The following BRINP3 variants were observed in gnomAD, a reference collection of about 807,000 sequenced individuals.
The protein encoded by BRINP3 is BMP/retinoic acid-inducible neural-specific protein 3.
In BRINP3, 19 loss-of-function variants were observed where a neutral mutation model predicts 71.0. The observed-to-expected ratio is 0.27, with a 90% CI of 0.19 to 0.39. The LOEUF (loss-of-function observed/expected upper bound fraction) is 0.39, where lower values mean the gene tolerates loss of function less well. Ranked by LOEUF, BRINP3 falls within the 10% of genes least tolerant of loss-of-function variation. The probability of loss-of-function intolerance (pLI) is 1.00; values close to 1 mark genes in which losing one functional copy is unlikely to be tolerated. For missense variants in BRINP3, 959 were observed against 940.8 expected (o/e 1.02, Z -0.25); for synonymous variants, 380 against 337.7 (o/e 1.13, Z -1.37).
At chr1:190,161,006 A>G (rs1657308386) in intron 6 of BRINP3, 116 bp from the exon 7 acceptor site, 2 of 662,470 alleles carry the variant, frequency 3.0e-6, no homozygotes, top group South Asian at 4.3e-5. Context: ...CAAATTAAGA[A>G]CAAATAAATA....
rs1054114750 is a variant in BRINP3 at position 190,444,235 on chromosome 1, G to A, written c.236+10420C>T. Among the ~76,000 whole-genome samples the A allele has an allele frequency of 5.6e-4, 13 of 23,180 alleles. No individual in the cohort carries two copies. The East Asian group carries it at 0.012, about 21-fold the overall frequency. The allele number at this position is 23,180 out of a possible 152,430, so 15.2% of individuals were successfully genotyped here. On this transcript the variant is annotated intron_variant, in intron 2 of 7. Transcript: ENST00000367462. The stretch of plus-strand genomic sequence containing the variant: ...GCCGGGGCAACAAGAGCAAAACTCC[G>A]TCTCAAAAAAAAAAAAAAAAAAAAA...
At chr1:190,142,171 CCA>C (rs1194900227) in intron 7 of BRINP3, among the ~76,000 whole-genome samples, 1 of 152,018 alleles carries the variant, frequency 6.6e-6, no homozygotes, top group Non-Finnish European at 1.5e-5. Flanking sequence ...TTCTGGTTGG[CCA>C]CATTTACAAG....
At chr1:190,275,001 G>A (rs1662431734) in intron 3 of BRINP3, among the ~76,000 whole-genome samples, 1 of 151,680 alleles carries the variant, frequency 6.6e-6, no homozygotes, top group Non-Finnish European at 1.5e-5. Flanking sequence ...AACATAATAT[G>A]TTTTGCAAAG....
chr1:190,433,904 T>C (rs1674274336), intron 2 of BRINP3, among the ~76,000 whole-genome samples: 1 of 152,174 alleles, frequency 6.6e-6, no homozygotes, highest in Non-Finnish European at 1.5e-5. Flanking sequence ...TTCTTGAGCA[T>C]TTCTAGTCTG....
intron 6 of BRINP3, among the ~76,000 whole-genome samples, chr1:190,199,834 A>G (rs138815320): frequency 0.011 from 1,693 of 151,384 alleles, 100 homozygotes; most frequent in Admixed American, 0.088. Context: ...TCTTTTTTCT[A>G]GGGAAAATTA....
intron 6 of BRINP3, among the ~76,000 whole-genome samples, chr1:190,221,888 A>T (rs1016343002): frequency 1.3e-5 from 2 of 152,160 alleles, no homozygotes; most frequent in Middle Eastern, 3.2e-3. Context: ...TTTTATGCCC[A>T]ACAACAGAGT....
intron 7 of BRINP3, among the ~76,000 whole-genome samples, chr1:190,117,573 T>C (rs1193382480): frequency 6.6e-6 from 1 of 152,004 alleles, no homozygotes; most frequent in Non-Finnish European, 1.5e-5. Context: ...TAGAATGTTT[T>C]AAAGCATCTC....
chr1:190,346,443 T>G (rs1380283152), intron 2 of BRINP3, among the ~76,000 whole-genome samples: 1 of 152,112 alleles, frequency 6.6e-6, no homozygotes, highest in African/African-American at 2.4e-5. Context: ...CCTTTTTATC[T>G]TTGGTATTTC....
At chr1:190,326,838 C>T (rs1243939191) in intron 2 of BRINP3, among the ~76,000 whole-genome samples, 1 of 152,026 alleles carries the variant, frequency 6.6e-6, no homozygotes. Context: ...ATAGCCACTA[C>T]TGCAAAAACA....
chr1:190,379,650 T>C (rs188760003), intron 2 of BRINP3, among the ~76,000 whole-genome samples: 5 of 152,140 alleles, frequency 3.3e-5, no homozygotes, highest in Non-Finnish European at 1.5e-5. Flanking sequence ...AAGAATGGTG[T>C]AAGCAAAATT....
intron 7 of BRINP3, 21 bp from the exon 8 acceptor site, chr1:190,099,155 G>A (rs781215603): frequency 6.2e-7 from 1 of 1,601,764 alleles, no homozygotes; most frequent in East Asian, 2.2e-5. Flanking sequence ...AAAACAGAAC[G>A]AATCTACATA....
intron 6 of BRINP3, among the ~76,000 whole-genome samples, chr1:190,201,655 T>C (rs1240977884): frequency 6.6e-6 from 1 of 152,174 alleles, no homozygotes; most frequent in Non-Finnish European, 1.5e-5. Context: ...ATGCTGTGTG[T>C]AGCCTAGGGA....
At chr1:190,366,295 C>G (rs186503213) in intron 2 of BRINP3, among the ~76,000 whole-genome samples, 1 of 152,150 alleles carries the variant, frequency 6.6e-6, no homozygotes, top group Non-Finnish European at 1.5e-5. Context: ...AAGGTGGCAG[C>G]AAAGAGAAGT....
intron 4 of BRINP3, among the ~76,000 whole-genome samples, chr1:190,247,159 A>C (rs1301925375): frequency 1.3e-5 from 2 of 152,022 alleles, no homozygotes; most frequent in African/African-American, 4.8e-5. Flanking sequence ...TTACCAAAAA[A>C]AAACACACCA....
intron 2 of BRINP3, among the ~76,000 whole-genome samples, chr1:190,443,952 G>A (rs2102572936): frequency 6.6e-6 from 1 of 152,262 alleles, no homozygotes; most frequent in South Asian, 2.1e-4. Flanking sequence ...TGAACAGTCA[G>A]CCAGGCAAGG....
At chr1:190,261,397 A>T (rs1177190371) in intron 4 of BRINP3, among the ~76,000 whole-genome samples, 1 of 148,944 alleles carries the variant, frequency 6.7e-6, no homozygotes, top group Non-Finnish European at 1.5e-5. Context: ...GCAATTAATT[A>T]AGCTATGGAT....
intron 2 of BRINP3, among the ~76,000 whole-genome samples, chr1:190,288,823 C>A (rs1663633960): frequency 6.6e-6 from 1 of 151,816 alleles, no homozygotes; most frequent in Non-Finnish European, 1.5e-5. Flanking sequence ...AATAAAATCA[C>A]TTAAAGAATA....
intron 2 of BRINP3, among the ~76,000 whole-genome samples, chr1:190,299,270 T>C (rs183144938): frequency 4.6e-5 from 7 of 152,218 alleles, no homozygotes; most frequent in Admixed American, 4.6e-4. Context: ...ATGTCTGTAT[T>C]TTAATTAGTG....
intron 2 of BRINP3, among the ~76,000 whole-genome samples, chr1:190,339,630 A>C (rs1190428082): frequency 1.3e-5 from 2 of 151,922 alleles, no homozygotes; most frequent in Non-Finnish European, 2.9e-5. Context: ...GGCTCATACA[A>C]TGTTATTCAT....
Sources: allele counts gnomAD v4.1 joint callset (sites outside exome capture counted in the v4.1 genomes callset), GRCh38; gene constraint gnomAD v4.1.1; transcripts MANE v1.5; gene names NCBI Gene and HGNC (gene_info 2026-07-23, HGNC 2026-07-21).